Variants in SNX25 observed in about 807,000 individuals in gnomAD.
SNX25 encodes the protein sorting nexin 25.
In SNX25, 62 loss-of-function variants were observed where a neutral mutation model predicts 113.7. The ratio of observed to expected loss-of-function variants is 0.55; its 90% CI spans 0.44 to 0.67. The LOEUF (loss-of-function observed/expected upper bound fraction) is 0.67, where lower values mean the gene tolerates loss of function less well. Ranked by LOEUF, SNX25 falls within the 30% of genes least tolerant of loss-of-function variation. The pLI, the probability that SNX25 is intolerant of heterozygous loss-of-function variation, is 0.00. For missense variants in SNX25, 1,014 were observed against 1,161.0 expected (o/e 0.87, Z 1.84); for synonymous variants, 421 against 436.2 (o/e 0.97, Z 0.43).
At position 185,256,027 on chromosome 4, in the gene SNX25, C is replaced by G. The variant is rs534945781; in HGVS notation, c.515-2821C>G. On this transcript the variant is annotated intron_variant, in intron 2 of 18. Coordinates refer to ENST00000652585, the MANE Select transcript of SNX25 (RefSeq NM_001378034.2). Reference sequence around the variant, plus strand: ...AACAACCATAGGTTCAAATTAATATCTGAAAATGAGCAGAACGTGACTGAG... The same window carrying G: ...AACAACCATAGGTTCAAATTAATATGTGAAAATGAGCAGAACGTGACTGAG... Among the ~76,000 whole-genome samples, 30 of 152,264 alleles carry G rather than the reference C, an allele frequency of 2.0e-4. No individual in the cohort carries two copies. In the South Asian group the frequency reaches 6.0e-3, roughly 31 times the overall value.
chr4:185,355,126 G>T (rs910187930), intron 15 of SNX25, among the ~76,000 whole-genome samples: 11 of 152,222 alleles, frequency 7.2e-5, no homozygotes, highest in Non-Finnish European at 2.9e-5. Flanking sequence ...ACTTGAATTT[G>T]TCTTCTGTGT....
At chr4:185,349,541 G>T (rs2095305252) in intron 13 of SNX25, among the ~76,000 whole-genome samples, 1 of 152,074 alleles carries the variant, frequency 6.6e-6, no homozygotes, top group Non-Finnish European at 1.5e-5. Flanking sequence ...CAGTGTACAA[G>T]GGTTCCCTTT....
chr4:185,360,850 C>G (rs1349160457), intron 16 of SNX25, among the ~76,000 whole-genome samples: 3 of 151,678 alleles, frequency 2.0e-5, no homozygotes, highest in Non-Finnish European at 4.4e-5. Context: ...ACCCAGGAGG[C>G]AGAGGTTGCA....
At chr4:185,237,798 C>T (rs927819640) in intron 1 of SNX25, among the ~76,000 whole-genome samples, 14 of 151,558 alleles carry the variant, frequency 9.2e-5, no homozygotes, top group Non-Finnish European at 1.6e-4. Flanking sequence ...GTTGGTTGCT[C>T]GTGCCTGTAA....
chr4:185,373,001 C>G, downstream of SNX25: 1 of 1,613,958 alleles, frequency 6.2e-7, no homozygotes, highest in Non-Finnish European at 8.5e-7. Flanking sequence ...ATGCCTTGTC[C>G]ATACAAGTAC....
At chr4:185,240,907 A>G (rs1345525667) in intron 1 of SNX25, among the ~76,000 whole-genome samples, 1 of 149,448 alleles carries the variant, frequency 6.7e-6, no homozygotes. Context: ...CGCTCCCCAC[A>G]TCTCAGACGA....
chr4:185,219,063 G>A (rs191902120), intron 1 of SNX25, among the ~76,000 whole-genome samples: 84 of 152,226 alleles, frequency 5.5e-4, no homozygotes, highest in African/African-American at 1.9e-3. Context: ...CAAAGCACTG[G>A]AGAGAGGTCC....
intron 5 of SNX25, among the ~76,000 whole-genome samples, chr4:185,286,985 T>G (rs1751429493): frequency 6.6e-6 from 1 of 152,210 alleles, no homozygotes; most frequent in Admixed American, 6.5e-5. Context: ...CTTAGAACAC[T>G]GCACGGTTTT....
rs201057461 is a variant in SNX25 at position 185,267,010 on chromosome 4, A to C, written c.946A>C (p.Ile316Leu). 5.6e-6 allele frequency: 9 copies of C among 1,613,932 alleles called. No homozygotes were observed. Among genetic ancestry groups the C allele is most frequent in the African/African-American group, 1.3e-5 (1 of 75,050 alleles). The change falls in exon 5 of 19, where the codon ATT (isoleucine) becomes CTT (leucine). Residue 316 changes from isoleucine (I) to leucine (L), a missense_variant. Transcript: ENST00000652585. ...GGAGTTACTGAGTAATCCAGATTAC[A>C]TTAACCAAATGCTGCTTGCCCAGCT... Reference protein sequence around the residue: ...VVELLSNPDYINQMLLAQLAY... With the variant: ...VVELLSNPDYLNQMLLAQLAY...
In SNX25 at chr4:185,277,278, C is replaced by T. The variant is rs1378207125; in HGVS notation, c.1091+10123C>T. 3.3e-5 allele frequency among the ~76,000 whole-genome samples: 5 copies of T among 152,304 alleles called. No individual in the cohort carries two copies. In the East Asian group the frequency reaches 9.7e-4, roughly 29 times the overall value. On this transcript the variant is annotated intron_variant, in intron 5 of 18. Transcript: ENST00000652585. The stretch of plus-strand genomic sequence containing the variant: ...GACCTTGTAACCCACCCACCTTGGT[C>T]TCCCAAAGTGCTGGGATTACAGATA...
At chr4:185,240,389 CG>C (rs1330333760) in intron 1 of SNX25, among the ~76,000 whole-genome samples, 18 of 147,098 alleles carry the variant, frequency 1.2e-4, no homozygotes, top group African/African-American at 2.0e-4. Context: ...GCTGGCCGGG[CG>C]GGGGGCTGAC....
chr4:185,267,171 T>C lies in SNX25; in HGVS notation c.1091+16T>C, dbSNP rs1423795084. On this transcript the variant is annotated intron_variant, in intron 5 of 18. Coordinates refer to ENST00000652585, the MANE Select transcript of SNX25 (RefSeq NM_001378034.2). ...AGCAACTAAGGTATTTGGTCTTCAA[T>C]TATAGCACAGCAACAGCTACTGATT... 6.2e-7 allele frequency: 1 copy of C among 1,609,018 alleles called. No individual in the cohort carries two copies. Among genetic ancestry groups the C allele is most frequent in the East Asian group, 2.2e-5 (1 of 44,774 alleles).
chr4:185,281,393 C>A (rs1475165031), intron 5 of SNX25, among the ~76,000 whole-genome samples: 1 of 152,072 alleles, frequency 6.6e-6, no homozygotes, highest in African/African-American at 2.4e-5. Context: ...TGTATAACAA[C>A]CCTATAAAGA....
intron 16 of SNX25, among the ~76,000 whole-genome samples, chr4:185,360,930 A>ATATAT (rs1491260048): frequency 8.1e-4 from 113 of 139,626 alleles, no homozygotes; most frequent in Middle Eastern, 3.6e-3. Flanking sequence ...AAAAAAAAAT[A>ATATAT]ATATATATAT....
At chr4:185,251,715 G>A (rs925425142) in intron 2 of SNX25, among the ~76,000 whole-genome samples, 4 of 151,634 alleles carry the variant, frequency 2.6e-5, no homozygotes, top group African/African-American at 9.7e-5. Context: ...AATTGATGCT[G>A]CTATGAACAT....
At chr4:185,309,837 C>A (rs548879806) in intron 6 of SNX25, among the ~76,000 whole-genome samples, 1 of 152,356 alleles carries the variant, frequency 6.6e-6, no homozygotes, top group South Asian at 2.1e-4. Flanking sequence ...TGGCACATTC[C>A]TGCTTAAAAT....
At position 185,209,609 on chromosome 4, in the gene SNX25, G is replaced by C; in HGVS notation, c.-218G>C. The C allele has an allele frequency of 7.0e-6, 3 of 426,764 alleles. No individual in the cohort carries two copies. Among genetic ancestry groups the C allele is most frequent in the Non-Finnish European group, 9.4e-6 (3 of 319,294 alleles). The allele number at this position is 426,764 out of a possible 1,614,324, so 26.4% of individuals were successfully genotyped here. On this transcript the variant is annotated 5_prime_UTR_variant, in exon 1 of 19. Transcript: ENST00000652585. This position sits in a 1 kb window ranked among gnomAD's most constrained non-coding sequence, Gnocchi z 5.2. ...GCTGGCCAGGCTTCAGTCACAACACGGTGGGGCTCCCTGGCTGCGCCCGGC... is the reference window on the plus strand; with the variant it reads ...GCTGGCCAGGCTTCAGTCACAACACCGTGGGGCTCCCTGGCTGCGCCCGGC...
At chr4:185,340,056 C>T (rs893920754) in intron 11 of SNX25, among the ~76,000 whole-genome samples, 5 of 152,088 alleles carry the variant, frequency 3.3e-5, no homozygotes, top group African/African-American at 1.2e-4. Flanking sequence ...CGCTTATAGG[C>T]GTTTATGTCA....
At position 185,210,388 on chromosome 4, in the gene SNX25, C is replaced by G. The variant is rs932708128; in HGVS notation, c.429+133C>G. On this transcript the variant is annotated intron_variant, in intron 1 of 18. Coordinates refer to ENST00000652585, the MANE Select transcript of SNX25 (RefSeq NM_001378034.2). The surrounding 1 kb of genome is among the most constrained non-coding windows in gnomAD (Gnocchi z 4.4). ...GGAAGCCGGGAGCCAGGGGGCTGGG[C>G]TGCGGGCCCGGCCGTGGACGCGAGC... is the stretch of plus-strand genomic sequence containing the variant. 71 of 951,060 alleles carry G rather than the reference C, an allele frequency of 7.5e-5. No individual in the cohort carries two copies. Among genetic ancestry groups the G allele is most frequent in the Non-Finnish European group, 8.4e-5 (67 of 800,666 alleles). 58.9% of individuals were successfully genotyped at this position (951,060 alleles called of 1,614,324 possible). A position where few individuals can be genotyped will look rare whatever the true frequency, so the allele number is the denominator to read the frequency against.
Sources: gnomAD v4.1 joint callset for allele counts (sites outside exome capture counted in the v4.1 genomes callset) on GRCh38, gnomAD v4.1.1 for gene constraint, Gnocchi (gnomAD v3.1) non-coding constraint, MANE v1.5 for transcripts, NCBI Gene and HGNC (gene_info 2026-07-23, HGNC 2026-07-21) for gene names.